The following DYM variants were observed in gnomAD, a reference collection of about 807,000 sequenced individuals.
DYM encodes the protein dyggve-Melchior-Clausen syndrome protein.
Under a neutral mutation model 93.1 loss-of-function variants are expected in DYM, and 78 were observed. The ratio of observed to expected loss-of-function variants is 0.84; its 90% CI spans 0.70 to 1.01. The LOEUF (loss-of-function observed/expected upper bound fraction) is 1.01, where lower values mean the gene tolerates loss of function less well. Among genes scored for constraint, DYM ranks in the 50% least tolerant of loss-of-function variants. DYM has a pLI of 0.00. For synonymous variants in DYM, 321 were observed against 319.7 expected, an observed-to-expected ratio of 1.00 and a Z score of -0.04; for missense variants, 789 against 845.0, an observed-to-expected ratio of 0.93 and a Z score of 0.82.
intron 10 of DYM, among the ~76,000 whole-genome samples, chr18:49,274,160 C>T (rs1189435379): frequency 6.6e-6 from 1 of 151,980 alleles, no homozygotes; most frequent in East Asian, 1.9e-4. Context: ...TATCACCTCC[C>T]CCAGACCCCT....
chr18:49,114,346 T>C (rs1173934168), intron 16 of DYM, among the ~76,000 whole-genome samples: 2 of 152,240 alleles, frequency 1.3e-5, no homozygotes, highest in Non-Finnish European at 2.9e-5. Flanking sequence ...CATAACAGCA[T>C]ATAGTCAAAT....
chr18:49,329,085 C>T (rs969517771), intron 8 of DYM, among the ~76,000 whole-genome samples: 1 of 151,944 alleles, frequency 6.6e-6, no homozygotes, highest in Non-Finnish European at 1.5e-5. Flanking sequence ...ACATATACAC[C>T]ATGGAATACT....
chr18:49,410,211 G>A (rs1302688122), intron 2 of DYM, among the ~76,000 whole-genome samples: 2 of 152,046 alleles, frequency 1.3e-5, no homozygotes, highest in African/African-American at 4.8e-5. Context: ...GACTACAGGT[G>A]TGTGCCACCA....
At chr18:49,351,731 T>C (rs554780152) in intron 6 of DYM, among the ~76,000 whole-genome samples, 2 of 152,330 alleles carry the variant, frequency 1.3e-5, no homozygotes, top group Non-Finnish European at 2.9e-5. Flanking sequence ...CTAGCCTACC[T>C]ATCATTCAAA....
At chr18:49,077,302 T>C (rs887570937) in intron 17 of DYM, among the ~76,000 whole-genome samples, 1 of 152,262 alleles carries the variant, frequency 6.6e-6, no homozygotes, top group Non-Finnish European at 1.5e-5. Flanking sequence ...GCCACAGATC[T>C]GCTTTCTCTC....
intron 8 of DYM, chr18:49,329,618 C>T (rs2063171959): frequency 6.6e-6 from 1 of 152,214 alleles, no homozygotes; most frequent in South Asian, 2.1e-4. Flanking sequence ...ACTCATCCAG[C>T]CGCAGTTCCA....
In DYM at chr18:49,043,949, C is replaced by A; in HGVS notation, c.*106G>T. On this transcript the variant is annotated 3_prime_UTR_variant, in exon 18 of 18. Transcript: ENST00000675505. ...AACACACTCGTGCAATCCTCTTTAA[C>A]AGAAGATACACCAAGTAACCTGTCT... 1 of 1,359,062 alleles carries A rather than the reference C, an allele frequency of 7.4e-7. No homozygotes were observed. 84.2% of individuals were successfully genotyped at this position (1,359,062 alleles called of 1,614,324 possible).
chr18:49,365,808 T>A (rs1365258930), intron 5 of DYM, among the ~76,000 whole-genome samples: 13 of 152,182 alleles, frequency 8.5e-5, no homozygotes, highest in Non-Finnish European at 5.9e-5. Context: ...ATTTTTTAAC[T>A]TCCAGGGGTA....
rs540189318 is a variant in DYM, at chr18:49,195,916, C to CTTTTTTTTTT, written c.1625+13625_1625+13634dup. 3.9e-3 allele frequency among the ~76,000 whole-genome samples: 327 copies of CTTTTTTTTTT among 84,012 alleles called. 50 individuals carry two copies. Among genetic ancestry groups the CTTTTTTTTTT allele is most frequent in the African/African-American group, 0.017 (299 of 17,724 alleles). The allele number at this position is 84,012 out of a possible 152,430, so 55.1% of individuals were successfully genotyped here. On this transcript the variant is annotated intron_variant, in intron 14 of 17. Transcript: ENST00000675505. ...ATTATGCTCTCTTGAATGCTACCAT[C>CTTTTTTTTTT]TTTTTTTTTTTTTTTTTTTTTTTTT...
At chr18:49,177,920 A>T (rs2089555241) in intron 14 of DYM, among the ~76,000 whole-genome samples, 1 of 152,092 alleles carries the variant, frequency 6.6e-6, no homozygotes, top group Admixed American at 6.6e-5. Flanking sequence ...TTTGAGTTAA[A>T]GTTCTAAAAC....
intron 8 of DYM, among the ~76,000 whole-genome samples, chr18:49,308,134 A>C (rs570874051): frequency 3.1e-4 from 47 of 152,348 alleles, no homozygotes; most frequent in Non-Finnish European, 5.3e-4. Flanking sequence ...ATCTAGGAAC[A>C]AAAACTGAAA....
Position 49,394,338 on chromosome 18 carries a change from T to G in DYM, c.141-2693A>C, listed in dbSNP as rs546902111. ...GATATCGATAAAGCACTTAGAACAG[T>G]GCCTGGCACAAAGTAAGTCCTCAAC... On this transcript the variant is annotated intron_variant, in intron 2 of 17. Coordinates refer to ENST00000675505, the MANE Select transcript of DYM (RefSeq NM_001353214.3). Among the ~76,000 whole-genome samples the G allele has an allele frequency of 5.3e-5, 8 of 152,306 alleles. No homozygotes were observed. The East Asian group carries it at 1.5e-3, about 29-fold the overall frequency.
chr18:49,249,851 T>C (rs1371851587), intron 13 of DYM, among the ~76,000 whole-genome samples: 1 of 152,244 alleles, frequency 6.6e-6, no homozygotes, highest in African/African-American at 2.4e-5. Context: ...AGTCATGGAT[T>C]TGAGAATTTT....
chr18:49,120,865 G>A lies in DYM; in HGVS notation c.1729-1939C>T, dbSNP rs1380396390. On this transcript the variant is annotated intron_variant, in intron 15 of 17. Transcript: ENST00000675505. ...GTCTCACTCTGTCACCTAGGCTGGA[G>A]TGCAGTGGTGCAACCCTAGCTCACT... is the stretch of plus-strand genomic sequence containing the variant. Among the ~76,000 whole-genome samples the A allele has an allele frequency of 2.0e-5, 3 of 152,068 alleles. No homozygotes were observed. In the East Asian group the frequency reaches 5.8e-4, roughly 29 times the overall value.
chr18:49,313,333 C>A (rs2061712525), intron 8 of DYM, among the ~76,000 whole-genome samples: 1 of 151,386 alleles, frequency 6.6e-6, no homozygotes, highest in Admixed American at 6.6e-5. Context: ...CGTGGTGGCG[C>A]ACACCTGTAA....
intron 13 of DYM, among the ~76,000 whole-genome samples, chr18:49,220,441 T>C (rs1356612142): frequency 3.9e-4 from 59 of 150,814 alleles, no homozygotes; most frequent in African/African-American, 6.3e-4. Flanking sequence ...GAGCCCACAT[T>C]GCCAAGTCAA....
At chr18:49,336,093 C>T (rs1389610399) in intron 6 of DYM, among the ~76,000 whole-genome samples, 2 of 152,158 alleles carry the variant, frequency 1.3e-5, no homozygotes, top group Admixed American at 6.6e-5. Flanking sequence ...GGATTACAGG[C>T]ATGAGCCATC....
At chr18:49,212,060 A>G (rs1381266995) in intron 13 of DYM, among the ~76,000 whole-genome samples, 1 of 152,208 alleles carries the variant, frequency 6.6e-6, no homozygotes, top group Non-Finnish European at 1.5e-5. Flanking sequence ...CATAGCCAAA[A>G]TCTAATTCCC....
At chr18:49,296,379 T>C (rs2060554378) in intron 8 of DYM, among the ~76,000 whole-genome samples, 1 of 152,248 alleles carries the variant, frequency 6.6e-6, no homozygotes, top group Non-Finnish European at 1.5e-5. Flanking sequence ...TTGCTGCCTA[T>C]GTACTTGTAT....
Sources: gnomAD v4.1 joint callset for allele counts (sites outside exome capture counted in the v4.1 genomes callset) on GRCh38, gnomAD v4.1.1 for gene constraint, MANE v1.5 for transcripts, NCBI Gene and HGNC (gene_info 2026-07-23, HGNC 2026-07-21) for gene names.